Variants in CAPZB observed in about 807,000 individuals in gnomAD.
CAPZB encodes F-actin-capping protein subunit beta.
CAPZB carries 2 observed loss-of-function variants against 38.1 expected under a neutral mutation model. The ratio of observed to expected loss-of-function variants is 0.05; its 90% CI spans 0.02 to 0.17. The LOEUF (loss-of-function observed/expected upper bound fraction) is 0.17, where lower values mean the gene tolerates loss of function less well. Among genes scored for constraint, CAPZB ranks in the 10% least tolerant of loss-of-function variants. The pLI, the probability that CAPZB is intolerant of heterozygous loss-of-function variation, is 1.00. For synonymous variants in CAPZB, 107 were observed against 127.4 expected (o/e 0.84, Z 1.08); for missense variants, 161 against 334.2 (o/e 0.48, Z 4.04).
chr1:19,442,009 C>CAAAAAAAAAAAAA (rs11384902), intron 1 of CAPZB, among the ~76,000 whole-genome samples: 1 of 86,058 alleles, frequency 1.2e-5, no homozygotes. Context: ...ACTCTGTCTC[C>CAAAAAAAAAAAAA]AAAAAAAAAA....
chr1:19,382,551 G>A (rs538751092), intron 3 of CAPZB, among the ~76,000 whole-genome samples: 4 of 152,236 alleles, frequency 2.6e-5, no homozygotes, highest in East Asian at 1.9e-4. Context: ...GTTTCATATC[G>A]AGAAGAGGAG....
chr1:19,350,518 G>A (rs2093985997), intron 6 of CAPZB, among the ~76,000 whole-genome samples: 1 of 152,236 alleles, frequency 6.6e-6, no homozygotes, highest in Non-Finnish European at 1.5e-5. Flanking sequence ...GCTTCCCAGG[G>A]AAAGTTACGG....
intron 1 of CAPZB, among the ~76,000 whole-genome samples, chr1:19,445,706 T>A (rs148541289): frequency 8.7e-4 from 132 of 152,230 alleles, no homozygotes; most frequent in African/African-American, 3.1e-3. Flanking sequence ...GGAGTGGGCA[T>A]GAAGAATAAC....
At chr1:19,400,972 G>A (rs912160922) in intron 2 of CAPZB, among the ~76,000 whole-genome samples, 2 of 152,118 alleles carry the variant, frequency 1.3e-5, no homozygotes, top group African/African-American at 4.8e-5. Flanking sequence ...TTGAACAGGA[G>A]GGAAAAGCTC....
At chr1:19,358,965 G>A (rs116041839) in intron 4 of CAPZB, among the ~76,000 whole-genome samples, 21 of 152,320 alleles carry the variant, frequency 1.4e-4, no homozygotes, top group Non-Finnish European at 2.2e-4. Context: ...GCATGCATGC[G>A]TCCAACAACT....
At chr1:19,406,292 C>A (rs2094331682) in intron 2 of CAPZB, among the ~76,000 whole-genome samples, 1 of 152,180 alleles carries the variant, frequency 6.6e-6, no homozygotes, top group Non-Finnish European at 1.5e-5. Flanking sequence ...TGGAACCCAA[C>A]GCACCCCTCC....
At chr1:19,372,908 G>A (rs533004165) in intron 4 of CAPZB, among the ~76,000 whole-genome samples, 1 of 152,270 alleles carries the variant, frequency 6.6e-6, no homozygotes, top group South Asian at 2.1e-4. Flanking sequence ...TGGGCTGGCT[G>A]GGAGGGGAAG....
chr1:19,347,674 C>T (rs1043033480), intron 6 of CAPZB, among the ~76,000 whole-genome samples: 1 of 152,164 alleles, frequency 6.6e-6, no homozygotes, highest in Admixed American at 6.5e-5. Context: ...AGCTTCCTAT[C>T]GACAGTGTCA....
intron 2 of CAPZB, among the ~76,000 whole-genome samples, chr1:19,393,657 G>C (rs4595382): frequency 6.6e-6 from 1 of 152,006 alleles, no homozygotes; most frequent in Non-Finnish European, 1.5e-5. Context: ...GAGGAAAAAA[G>C]AATAGAATTG....
At chr1:19,475,607 A>G (rs2094604150) in intron 1 of CAPZB, among the ~76,000 whole-genome samples, 1 of 152,178 alleles carries the variant, frequency 6.6e-6, no homozygotes, top group Non-Finnish European at 1.5e-5. Flanking sequence ...AGAGCCTGAC[A>G]CTGACAACTG....
At chr1:19,436,978 T>C (rs964735469) in intron 1 of CAPZB, among the ~76,000 whole-genome samples, 2 of 152,130 alleles carry the variant, frequency 1.3e-5, no homozygotes, top group Non-Finnish European at 2.9e-5. Flanking sequence ...GATGGTTCAG[T>C]TGTCTGAGCC....
chr1:19,395,414 T>C (rs1275795086), intron 2 of CAPZB, among the ~76,000 whole-genome samples: 5 of 152,122 alleles, frequency 3.3e-5, no homozygotes, highest in Non-Finnish European at 7.4e-5. Context: ...CAGAGATAAA[T>C]AATAAACAAA....
intron 1 of CAPZB, among the ~76,000 whole-genome samples, chr1:19,471,021 C>T (rs1319237317): frequency 6.6e-6 from 1 of 152,148 alleles, no homozygotes; most frequent in African/African-American, 2.4e-5. Context: ...CCAGTGGATG[C>T]CTGAAACCTT....
intron 2 of CAPZB, among the ~76,000 whole-genome samples, chr1:19,404,543 TAAAAAAAA>T (rs11356951): frequency 1.6e-5 from 2 of 128,070 alleles, no homozygotes; most frequent in South Asian, 2.7e-4. Context: ...AACTCCATGT[TAAAAAAAA>T]AAAAAAAAAA....
intron 2 of CAPZB, among the ~76,000 whole-genome samples, chr1:19,410,004 T>C (rs914101443): frequency 4.6e-5 from 7 of 152,248 alleles, no homozygotes; most frequent in Non-Finnish European, 2.9e-5. Flanking sequence ...CCTTCAAAAG[T>C]ATTAGCTGTT....
chr1:19,415,960 G>A lies in CAPZB; in HGVS notation c.93+3701C>T, dbSNP rs1343203362. 5.9e-5 allele frequency among the ~76,000 whole-genome samples: 9 copies of A among 152,176 alleles called. No homozygotes were observed. In the South Asian group the frequency reaches 6.2e-4, roughly 11 times the overall value. ...CAATTAAAAAATTAATGAGAACACC[G>A]TTTCCCCAACCCACTCTGGACGATG... On this transcript the variant is annotated intron_variant, in intron 2 of 8. Transcript: ENST00000264202.
At chr1:19,425,211 C>T (rs541289581) in intron 1 of CAPZB, among the ~76,000 whole-genome samples, 2 of 152,358 alleles carry the variant, frequency 1.3e-5, no homozygotes, top group East Asian at 3.9e-4. Context: ...CAGGCACCTC[C>T]TTCATACAAT....
In CAPZB at chr1:19,428,316, T is replaced by C. The variant is rs138224702; in HGVS notation, c.4-8566A>G. On this transcript the variant is annotated intron_variant, in intron 1 of 8. Coordinates refer to ENST00000264202, the MANE Select transcript of CAPZB (RefSeq NM_004930.5). ...TACACGGGAGGCTGAGGCAGGAGAATCACTTGAAACTGGAAGGCGAAGGTT... is the reference window on the plus strand; with the variant it reads ...TACACGGGAGGCTGAGGCAGGAGAACCACTTGAAACTGGAAGGCGAAGGTT... Among the ~76,000 whole-genome samples, 777 of 151,766 alleles carry C rather than the reference T, an allele frequency of 5.1e-3. 9 individuals are homozygous for C. Among genetic ancestry groups the C allele is most frequent in the African/African-American group, 0.018 (735 of 41,344 alleles).
intron 2 of CAPZB, among the ~76,000 whole-genome samples, chr1:19,409,486 C>T (rs1291442451): frequency 6.6e-6 from 1 of 152,176 alleles, no homozygotes; most frequent in Non-Finnish European, 1.5e-5. Flanking sequence ...TGTGTTTCTT[C>T]CTCTGTGAAT....
Sources: allele counts gnomAD v4.1 joint callset (sites outside exome capture counted in the v4.1 genomes callset), GRCh38; gene constraint gnomAD v4.1.1; transcripts MANE v1.5; gene names NCBI Gene and HGNC (gene_info 2026-07-23, HGNC 2026-07-21).